The following SH3BP2 variants were observed in gnomAD, a reference collection of about 807,000 sequenced individuals.
The protein encoded by SH3BP2 is SH3 domain binding protein 2.
In SH3BP2, 38 loss-of-function variants were observed where a neutral mutation model predicts 56.2. That is an observed-to-expected ratio of 0.68 (90% CI 0.52 to 0.89). The LOEUF (loss-of-function observed/expected upper bound fraction) is 0.89. SH3BP2 is among the 40% of genes least tolerant of loss of function. The probability of loss-of-function intolerance (pLI) is 0.00; values close to 1 mark genes in which losing one functional copy is unlikely to be tolerated. For missense variants in SH3BP2, 748 were observed against 762.6 expected, an observed-to-expected ratio of 0.98 and a Z score of 0.23; for synonymous variants, 346 against 316.7, an observed-to-expected ratio of 1.09 and a Z score of -0.98.
chr4:2,818,270 C>CG, intron 1 of SH3BP2: 1 of 1,013,914 alleles, frequency 9.9e-7, no homozygotes, highest in Non-Finnish European at 1.2e-6. Flanking sequence ...CGGCGGGAGG[C>CG]GGGCGCCCGG....
chr4:2,812,278 G>C (rs545878055), intron 1 of SH3BP2: 1 of 1,540,638 alleles, frequency 6.5e-7, no homozygotes, highest in East Asian at 2.5e-5. Flanking sequence ...AAGCACCGGC[G>C]GCCACAGGCC....
At position 2,835,706 on chromosome 4, in the gene SH3BP2, C is replaced by T. The variant is rs931743059; in HGVS notation, c.*1872C>T. ...ATGCCGTGATCTCCGCTCACTGCCA[C>T]CTCCGCCTCTCTAGTTCAAGCGATT... On this transcript the variant is annotated 3_prime_UTR_variant, in exon 13 of 13. Transcript: ENST00000503393. 1.3e-5 allele frequency: 2 copies of T among 152,194 alleles called. No individual in the cohort carries two copies. Among genetic ancestry groups the T allele is most frequent in the Admixed American group, 6.5e-5 (1 of 15,270 alleles). 9.4% of individuals were successfully genotyped at this position (152,194 alleles called of 1,614,324 possible). A position where few individuals can be genotyped will look rare whatever the true frequency, so the allele number is the denominator to read the frequency against.
intron 5 of SH3BP2, chr4:2,826,892 C>G: frequency 1.9e-6 from 1 of 522,818 alleles, no homozygotes. Flanking sequence ...TGCGCGTGTC[C>G]CTGTGTCTTT....
chr4:2,796,592 C>G, intron 1 of SH3BP2: 1 of 396,466 alleles, frequency 2.5e-6, no homozygotes, highest in Non-Finnish European at 3.4e-6. Flanking sequence ...CAGAGGAGCC[C>G]TGAGGGGTTG....
intron 1 of SH3BP2, among the ~76,000 whole-genome samples, chr4:2,807,975 C>A (rs908930992): frequency 6.6e-6 from 1 of 152,190 alleles, no homozygotes; most frequent in Non-Finnish European, 1.5e-5. Context: ...CAGGCACGCC[C>A]ACACTCGGGA....
At position 2,831,877 on chromosome 4, in the gene SH3BP2, G is replaced by T. The variant is rs374104414; in HGVS notation, c.1351-46G>T. 62 of 1,601,944 alleles carry T rather than the reference G, an allele frequency of 3.9e-5. No individual in the cohort carries two copies. Among genetic ancestry groups the T allele is most frequent in the East Asian group, 6.7e-5 (3 of 44,736 alleles). On this transcript the variant is annotated intron_variant, in intron 9 of 12. Coordinates refer to ENST00000503393, the MANE Select transcript of SH3BP2 (RefSeq NM_001122681.2). The surrounding 1 kb of genome is among the most constrained non-coding windows in gnomAD (Gnocchi z 4.1). ...CCACCGTCCGGGGAGTGGTGGTGCG[G>T]GTGGATCACTCCGACGTTGGCACTG...
intron 1 of SH3BP2, among the ~76,000 whole-genome samples, chr4:2,805,139 C>G (rs1261109389): frequency 6.6e-6 from 1 of 152,198 alleles, no homozygotes; most frequent in Non-Finnish European, 1.5e-5. Flanking sequence ...TTGGCGGGAG[C>G]CCTCTGCTTC....
intron 11 of SH3BP2, among the ~76,000 whole-genome samples, chr4:2,832,692 C>T (rs968346783): frequency 6.6e-6 from 1 of 152,196 alleles, no homozygotes; most frequent in East Asian, 1.9e-4. Flanking sequence ...GGCAGGGGAA[C>T]GCCAGGTCTG....
rs1339514296 is a variant in SH3BP2 at position 2,827,145 on chromosome 4, G to C, written c.429-85G>C. 3 of 1,009,386 alleles carry C rather than the reference G, an allele frequency of 3.0e-6. No individual in the cohort carries two copies. In the Admixed American group the frequency reaches 5.1e-5, roughly 17 times the overall value. 62.5% of individuals were successfully genotyped at this position (1,009,386 alleles called of 1,614,324 possible). A position where few individuals can be genotyped will look rare whatever the true frequency, so the allele number is the denominator to read the frequency against. Reference sequence around the variant, plus strand: ...TGTGTATCTGTCCATGTATCCGCGTGTGCCTGTGTGTACCTTTGTGTGAGC... The same window carrying C: ...TGTGTATCTGTCCATGTATCCGCGTCTGCCTGTGTGTACCTTTGTGTGAGC... On this transcript the variant is annotated intron_variant, in intron 5 of 12. Transcript: ENST00000503393.
rs931347235 is a variant in SH3BP2, at chr4:2,831,447, C to T, written c.1242-124C>T. 1.3e-6 allele frequency: 1 copy of T among 757,190 alleles called. No homozygotes were observed. Among genetic ancestry groups the T allele is most frequent in the East Asian group, 2.7e-5 (1 of 37,148 alleles). The allele number at this position is 757,190 out of a possible 1,614,324, so 46.9% of individuals were successfully genotyped here. A position where few individuals can be genotyped will look rare whatever the true frequency, so the allele number is the denominator to read the frequency against. ...TCTGTTGTCCTGAGCTTTTTAGGGT[C>T]ACAGGGGCCATAGCAGGCAGCTTGC... On this transcript the variant is annotated intron_variant, in intron 8 of 12. Transcript: ENST00000503393. The surrounding 1 kb of genome is among the most constrained non-coding windows in gnomAD (Gnocchi z 4.1).
At chr4:2,820,426 C>T (rs1049626967) in intron 1 of SH3BP2, among the ~76,000 whole-genome samples, 188 bp from the exon 2 acceptor site, 1 of 152,090 alleles carries the variant, frequency 6.6e-6, no homozygotes, top group Non-Finnish European at 1.5e-5. Flanking sequence ...GAGTGGAGCC[C>T]GTGGCTCTGT....
intron 1 of SH3BP2, among the ~76,000 whole-genome samples, chr4:2,798,797 C>A (rs1411309175): frequency 6.6e-6 from 1 of 152,234 alleles, no homozygotes; most frequent in Non-Finnish European, 1.5e-5. Context: ...CGTTCCCAGG[C>A]TGAGACCTCT....
intron 1 of SH3BP2, chr4:2,794,372 C>T (rs1377887257): frequency 1.3e-5 from 2 of 152,214 alleles, no homozygotes; most frequent in African/African-American, 2.4e-5. Flanking sequence ...GTTCTTCCCA[C>T]TCTGTCCACT....
chr4:2,818,545 G>A (rs1040641900), intron 1 of SH3BP2, among the ~76,000 whole-genome samples: 3 of 152,194 alleles, frequency 2.0e-5, no homozygotes, highest in Non-Finnish European at 1.5e-5. Flanking sequence ...GGCGTGGACC[G>A]TCCCGGCGGG....
chr4:2,827,689 T>C lies in SH3BP2; in HGVS notation c.586+15T>C. 1.1e-6 allele frequency: 1 copy of C among 934,654 alleles called. No individual in the cohort carries two copies. Among genetic ancestry groups the C allele is most frequent in the Non-Finnish European group, 1.6e-6 (1 of 614,820 alleles). The allele number at this position is 934,654 out of a possible 1,614,324, so 57.9% of individuals were successfully genotyped here. A position where few individuals can be genotyped will look rare whatever the true frequency, so the allele number is the denominator to read the frequency against. On this transcript the variant is annotated intron_variant, in intron 7 of 12. Transcript: ENST00000503393. Reference sequence around the variant, plus strand: ...AAGGCTTGAGGGTAGGTGGGGCGGGTGGGCCCGGGGAGCTCTGGGTGTGTA... The same window carrying C: ...AAGGCTTGAGGGTAGGTGGGGCGGGCGGGCCCGGGGAGCTCTGGGTGTGTA...
At chr4:2,820,282 T>C (rs1020111559) in intron 1 of SH3BP2, among the ~76,000 whole-genome samples, 1 of 152,204 alleles carries the variant, frequency 6.6e-6, no homozygotes, top group Non-Finnish European at 1.5e-5. Context: ...CTGAGTTCGT[T>C]CATCTCTACC....
At chr4:2,797,159 A>C (rs957481147) in intron 1 of SH3BP2, among the ~76,000 whole-genome samples, 2 of 152,084 alleles carry the variant, frequency 1.3e-5, no homozygotes, top group African/African-American at 2.4e-5. Flanking sequence ...CATGCCCTGC[A>C]GCCCTGTCCA....
At chr4:2,818,196 G>A (rs1407396363) in intron 1 of SH3BP2, 3 of 987,678 alleles carry the variant, frequency 3.0e-6, no homozygotes, top group Non-Finnish European at 3.6e-6. Flanking sequence ...GGGAGGAGCC[G>A]GCGGCTGCCA....
At chr4:2,818,762 C>T in intron 1 of SH3BP2, 1 of 988,186 alleles carries the variant, frequency 1.0e-6, no homozygotes, top group Non-Finnish European at 1.2e-6. Context: ...CGCCCCTGAC[C>T]CCTCCCTGCC....
Sources: allele counts gnomAD v4.1 joint callset (sites outside exome capture counted in the v4.1 genomes callset), GRCh38; gene constraint gnomAD v4.1.1; non-coding constraint Gnocchi (gnomAD v3.1); transcripts MANE v1.5; gene names NCBI Gene and HGNC (gene_info 2026-07-23, HGNC 2026-07-21).